Variants in KEL observed in about 807,000 individuals in gnomAD.
KEL encodes kell blood group glycoprotein.
In KEL, 96 loss-of-function variants were observed where a neutral mutation model predicts 99.5. The observed-to-expected ratio is 0.97, with a 90% CI of 0.82 to 1.14. The LOEUF is 1.14. Among genes scored for constraint, KEL ranks in the 50% most tolerant of loss-of-function variants. The probability of loss-of-function intolerance (pLI) is 0.00; values close to 1 mark genes in which losing one functional copy is unlikely to be tolerated. For missense variants in KEL, 926 were observed against 924.2 expected (o/e 1.00, Z -0.03); for synonymous variants, 355 against 354.8 (o/e 1.00, Z -0.01).
At chr7:142,951,613 TAA>T (rs8176002) in intron 10 of KEL, among the ~76,000 whole-genome samples, 14 of 152,156 alleles carry the variant, frequency 9.2e-5, no homozygotes, top group African/African-American at 3.4e-4. Flanking sequence ...CATGGAATTG[TAA>T]AGATTAAATC....
intron 11 of KEL, 125 bp from the exon 12 acceptor site, chr7:142,944,866 G>C: frequency 4.0e-6 from 3 of 747,224 alleles, no homozygotes; most frequent in Non-Finnish European, 7.1e-6. Flanking sequence ...TGGAGCTGCT[G>C]CTAGAGGAGC....
At position 142,943,502 on chromosome 7, in the gene KEL, G is replaced by A; in HGVS notation, c.1687C>T (p.His563Tyr). The A allele has an allele frequency of 6.2e-7, 1 of 1,613,798 alleles. No homozygotes were observed. Among genetic ancestry groups the A allele is most frequent in the Non-Finnish European group, 8.5e-7 (1 of 1,179,668 alleles). The stretch of plus-strand genomic sequence containing the variant: ...GACCCATACCTGGGATAGCCAGGGT[G>A]GAAGAATGGGGGTTGGAGGAGTCCA... ...PAGLLQPPFF[H>Y]PGYPRAVNFG... The change falls in exon 15 of 19, where the codon CAC becomes TAC. Residue 563 changes from histidine to tyrosine, a missense_variant. Transcript: ENST00000355265.
chr7:142,952,534 C>T lies in KEL; in HGVS notation c.1178G>A (p.Arg393Gln), dbSNP rs766098614. The T allele has an allele frequency of 1.7e-5, 28 of 1,613,956 alleles. No individual in the cohort carries two copies. The highest frequency in any genetic ancestry group is 2.2e-5 in the South Asian group (2 of 91,078). Reference protein sequence around the residue: ...EARRKLSQKLRELTEQPPMPA... With the variant: ...EARRKLSQKLQELTEQPPMPA... ...CATGGGTGGTTGCTCTGTCAGTTCC[C>T]GCAGTTTCTGGCTGAGCTTTCTGCG... Residue 393 changes from arginine (R) to glutamine (Q), a missense_variant, in exon 10 of 19, where the codon CGG (arginine) becomes CAG (glutamine). Coordinates refer to ENST00000355265, the MANE Select transcript of KEL (RefSeq NM_000420.3).
rs577888955 is a variant in KEL, at chr7:142,961,969, C to T, written c.4-97G>A. On this transcript the variant is annotated intron_variant, in intron 1 of 18. Transcript: ENST00000355265. ...CAGGCCATTTTGATACCCTCGCTGC[C>T]TGCCCTGCCCCCACACACATATTTT... 543 of 1,602,826 alleles carry T rather than the reference C, an allele frequency of 3.4e-4. 2 individuals are homozygous for T. In the African/African-American group the frequency reaches 6.4e-3, roughly 19 times the overall value.
intron 4 of KEL, among the ~76,000 whole-genome samples, 162 bp downstream of exon 4, chr7:142,960,766 T>C (rs543267997): frequency 1.3e-5 from 2 of 152,296 alleles, no homozygotes; most frequent in South Asian, 4.1e-4. Context: ...CCATCCTGCC[T>C]CTTTTACTCC....
At chr7:142,943,701 C>A in intron 14 of KEL, 82 bp downstream of exon 14, 6 of 1,471,922 alleles carry the variant, frequency 4.1e-6, no homozygotes, top group Non-Finnish European at 4.7e-6. Flanking sequence ...ATGCTGCCTG[C>A]CCTGAGCCCT....
chr7:142,944,318 C>A lies in KEL; in HGVS notation c.1491+5G>T. On this transcript the variant is annotated splice_donor_5th_base_variant and intron_variant, in intron 13 of 18. Coordinates refer to ENST00000355265, the MANE Select transcript of KEL (RefSeq NM_000420.3). ...GAAAAGGAGCTGGAAAACACAGGGA[C>A]CCACATCGTTGTATTCTTGTCGGGC... 1 of 1,609,982 alleles carries A rather than the reference C, an allele frequency of 6.2e-7. No individual in the cohort carries two copies. The highest frequency in any genetic ancestry group is 8.5e-7 in the Non-Finnish European group (1 of 1,176,206).
intron 14 of KEL, 61 bp downstream of exon 14, chr7:142,943,722 C>G: frequency 6.5e-7 from 1 of 1,544,028 alleles, no homozygotes; most frequent in South Asian, 1.1e-5. Context: ...GGCTTCCTTT[C>G]CTGTGAATCA....
At chr7:142,954,838 T>G (rs1359535727) in intron 6 of KEL, among the ~76,000 whole-genome samples, 1 of 151,848 alleles carries the variant, frequency 6.6e-6, no homozygotes, top group Non-Finnish European at 1.5e-5. Flanking sequence ...CCAGGGTGAG[T>G]GAGGTGAGGA....
In KEL at chr7:142,952,626, C is replaced by A; in HGVS notation, c.1086G>T (p.Gln362His). The A allele has an allele frequency of 6.2e-7, 1 of 1,614,054 alleles. No homozygotes were observed. The highest frequency in any genetic ancestry group is 8.5e-7 in the Non-Finnish European group (1 of 1,180,006). Reference protein sequence around the residue: ...EMLLKQRDFLQSHMILGLVVT... With the variant: ...EMLLKQRDFLHSHMILGLVVT... ...CCACCAGCCCTAAGATCATGTGGCT[C>A]TGCAGAAAGTCCCTATGGAGACAAA... The change falls in exon 10 of 19, where the codon CAG becomes CAT. Residue 362 changes from glutamine (Q) to histidine (H), a missense_variant. Coordinates refer to ENST00000355265, the MANE Select transcript of KEL (RefSeq NM_000420.3).
intron 17 of KEL, 106 bp from the exon 18 acceptor site, chr7:142,942,635 G>T: frequency 1.1e-6 from 1 of 911,896 alleles, no homozygotes; most frequent in Non-Finnish European, 1.8e-6. Context: ...CACTGGTTCT[G>T]CACTGACTAG....
intron 6 of KEL, 36 bp downstream of exon 6, chr7:142,957,791 C>T (rs953845742): frequency 6.2e-7 from 1 of 1,612,954 alleles, no homozygotes; most frequent in Non-Finnish European, 8.5e-7. Flanking sequence ...GGAGGCAGGC[C>T]AGGTCCAACT....
chr7:142,944,943 G>A, intron 11 of KEL: 1 of 628,450 alleles, frequency 1.6e-6, no homozygotes, highest in Non-Finnish European at 2.8e-6. Flanking sequence ...CAAAGGGAAG[G>A]TGGGGCCTGG....
chr7:142,942,844 A>G, intron 17 of KEL, 31 bp downstream of exon 17: 2 of 1,613,076 alleles, frequency 1.2e-6, no homozygotes, highest in Middle Eastern at 1.7e-4. Context: ...CTGCCAGTAC[A>G]CATAAACTGT....
At chr7:142,961,550 C>G (rs924826539) in intron 2 of KEL, 49 bp from the exon 3 acceptor site, 1 of 1,556,566 alleles carries the variant, frequency 6.4e-7, no homozygotes, top group Non-Finnish European at 8.7e-7. Flanking sequence ...GGTTGAGAGA[C>G]AGGGATGGGA....
intron 6 of KEL, 24 bp downstream of exon 6, chr7:142,957,803 T>C (rs1796862857): frequency 6.2e-7 from 1 of 1,613,658 alleles, no homozygotes; most frequent in Middle Eastern, 1.7e-4. Flanking sequence ...GGTCCAACTG[T>C]GTCTTCGCCA....
chr7:142,953,721 T>TC, intron 9 of KEL, 87 bp downstream of exon 9: 1 of 1,521,294 alleles, frequency 6.6e-7, no homozygotes. Context: ...CAGCCTGCCT[T>TC]CCCCAAGGTT....
intron 10 of KEL, among the ~76,000 whole-genome samples, chr7:142,951,110 G>T (rs1363387603): frequency 6.6e-6 from 1 of 152,168 alleles, no homozygotes; most frequent in African/African-American, 2.4e-5. Context: ...CGTCCCCAAG[G>T]TCACACAACT....
intron 10 of KEL, among the ~76,000 whole-genome samples, chr7:142,951,973 A>G (rs1352049799): frequency 6.6e-6 from 1 of 152,086 alleles, no homozygotes; most frequent in Admixed American, 6.5e-5. Context: ...GACTCTGGTT[A>G]GTGAAGTGCA....
Sources: gnomAD v4.1 joint callset for allele counts (sites outside exome capture counted in the v4.1 genomes callset) on GRCh38, gnomAD v4.1.1 for gene constraint, MANE v1.5 for transcripts, NCBI Gene and HGNC (gene_info 2026-07-23, HGNC 2026-07-21) for gene names.